The following KHDRBS2 variants were observed in gnomAD, a reference collection of about 807,000 sequenced individuals.
KHDRBS2 encodes the protein KH RNA binding domain containing, signal transduction associated 2, also known as KH domain-containing, RNA-binding, signal transduction-associated protein 2.
Under a neutral mutation model 44.3 loss-of-function variants are expected in KHDRBS2, and 26 were observed. The observed-to-expected ratio is 0.59, with a 90% CI of 0.43 to 0.81. The LOEUF is 0.81. Ranked by LOEUF, KHDRBS2 falls within the 40% of genes least tolerant of loss-of-function variation. The pLI, the probability that KHDRBS2 is intolerant of heterozygous loss-of-function variation, is 0.00. For synonymous variants in KHDRBS2, 194 were observed against 151.1 expected (o/e 1.28, Z -2.08); for missense variants, 476 against 433.1 (o/e 1.10, Z -0.88).
chr6:61,542,788 A>G, the KHDRBS2 span, among the ~76,000 whole-genome samples: 1 of 151,990 alleles, frequency 6.6e-6, no homozygotes, highest in Non-Finnish European at 1.5e-5. Context: ...AGATATATAT[A>G]TTCACCACAA....
intron 4 of KHDRBS2, among the ~76,000 whole-genome samples, chr6:61,916,091 T>A (rs1327202793): frequency 6.6e-6 from 1 of 152,082 alleles, no homozygotes; most frequent in East Asian, 1.9e-4. Context: ...CCGAAACACT[T>A]AATTCTAAAC....
chr6:62,119,798 A>G (rs1334618589), intron 2 of KHDRBS2, among the ~76,000 whole-genome samples: 1 of 152,174 alleles, frequency 6.6e-6, no homozygotes, highest in African/African-American at 2.4e-5. Context: ...CTGAGGCAAC[A>G]GTGATGGCCT....
intron 4 of KHDRBS2, among the ~76,000 whole-genome samples, chr6:61,949,527 C>T (rs770116916): frequency 7.1e-4 from 108 of 152,048 alleles, no homozygotes; most frequent in African/African-American, 7.2e-5. Flanking sequence ...TCTCTGTTTA[C>T]AGGAACAATA....
At chr6:61,931,571 T>C (rs1242125924) in intron 4 of KHDRBS2, among the ~76,000 whole-genome samples, 2 of 152,172 alleles carry the variant, frequency 1.3e-5, no homozygotes, top group Non-Finnish European at 2.9e-5. Context: ...TGCTCATTTA[T>C]TAGTAATAAA....
chr6:61,781,046 A>G (rs1359609531), intron 6 of KHDRBS2, among the ~76,000 whole-genome samples: 1 of 152,232 alleles, frequency 6.6e-6, no homozygotes, highest in African/African-American at 2.4e-5. Flanking sequence ...TGTAAGCCAC[A>G]AGCCAATATT....
chr6:61,735,268 T>TATA (rs67647814), intron 6 of KHDRBS2, among the ~76,000 whole-genome samples: 1 of 149,450 alleles, frequency 6.7e-6, no homozygotes, highest in Non-Finnish European at 1.5e-5. Flanking sequence ...TATATATATA[T>TATA]TTTTTAAGAA....
Position 62,033,277 on chromosome 6 carries a change from G to T in KHDRBS2, c.336+14601C>A, listed in dbSNP as rs374177786. 7.9e-5 allele frequency among the ~76,000 whole-genome samples: 12 copies of T among 152,086 alleles called. No homozygotes were observed. In the East Asian group the frequency reaches 2.3e-3, roughly 30 times the overall value. On this transcript the variant is annotated intron_variant, in intron 3 of 8. Transcript: ENST00000281156. ...GGTCTTAAGAGGAGGTAGAGAAAGC[G>T]ATAAGGGTATAGTTTATTCAAAAGC...
chr6:62,038,115 A>C (rs895658091), intron 3 of KHDRBS2, among the ~76,000 whole-genome samples: 2 of 152,010 alleles, frequency 1.3e-5, no homozygotes, highest in African/African-American at 4.8e-5. Context: ...GCATCCCCGG[A>C]AGTGCATAAA....
chr6:61,664,342 T>C, the KHDRBS2 span, among the ~76,000 whole-genome samples: 2 of 151,760 alleles, frequency 1.3e-5, no homozygotes, highest in Non-Finnish European at 2.9e-5. Flanking sequence ...TATTTATCCA[T>C]TGTTATTCAT....
chr6:61,654,017 A>G, the KHDRBS2 span, among the ~76,000 whole-genome samples: 1 of 152,018 alleles, frequency 6.6e-6, no homozygotes. Context: ...TTAAGATACT[A>G]CGTTGCTTTG....
intron 6 of KHDRBS2, among the ~76,000 whole-genome samples, chr6:61,774,657 T>G (rs1781628201): frequency 6.6e-6 from 1 of 152,010 alleles, no homozygotes; most frequent in South Asian, 2.1e-4. Context: ...ATCAATAGCT[T>G]ACAAACCAAA....
chr6:62,240,672 GTA>G (rs4036655), intron 1 of KHDRBS2, among the ~76,000 whole-genome samples: 13,240 of 63,108 alleles, frequency 0.21, 1,034 homozygotes, highest in Middle Eastern at 0.36. Context: ...ATGTGTGTGT[GTA>G]TATATATATA....
intron 3 of KHDRBS2, among the ~76,000 whole-genome samples, chr6:62,040,724 C>A (rs1384171088): frequency 6.6e-6 from 1 of 152,084 alleles, no homozygotes; most frequent in Non-Finnish European, 1.5e-5. Flanking sequence ...TTTTCAGAAT[C>A]CTTTCAAGGC....
chr6:62,131,858 G>A (rs1403781465), intron 2 of KHDRBS2, among the ~76,000 whole-genome samples: 1 of 152,166 alleles, frequency 6.6e-6, no homozygotes, highest in African/African-American at 2.4e-5. Context: ...CATTTTCAAT[G>A]AATGGTTTAT....
chr6:61,843,021 T>C (rs867376318), intron 6 of KHDRBS2, among the ~76,000 whole-genome samples: 2 of 151,542 alleles, frequency 1.3e-5, no homozygotes, highest in African/African-American at 4.8e-5. Flanking sequence ...AAAGTTCTGA[T>C]ACATGTTAAA....
chr6:62,050,545 A>G (rs1474173392), intron 2 of KHDRBS2, among the ~76,000 whole-genome samples: 2 of 151,950 alleles, frequency 1.3e-5, no homozygotes, highest in Non-Finnish European at 2.9e-5. Context: ...AAAAATGACT[A>G]ATATCTATAA....
the KHDRBS2 span, among the ~76,000 whole-genome samples, chr6:61,615,233 C>CAAAAAAAAAAAAAAAAAAAA: frequency 1.2e-4 from 7 of 58,588 alleles, no homozygotes; most frequent in East Asian, 5.2e-4. Context: ...ACTCCATCTC[C>CAAAAAAAAAAAAAAAAAAAA]AAAAAAAAAA....
chr6:61,873,829 A>G (rs764598315), intron 6 of KHDRBS2, among the ~76,000 whole-genome samples: 23 of 152,022 alleles, frequency 1.5e-4, no homozygotes, highest in Non-Finnish European at 2.9e-4. Flanking sequence ...CAAATTAATC[A>G]TTAAGAGATA....
At chr6:61,547,975 A>G in the KHDRBS2 span, among the ~76,000 whole-genome samples, 15 of 152,164 alleles carry the variant, frequency 9.9e-5, no homozygotes, top group Non-Finnish European at 8.8e-5. Context: ...TTAGTAACAC[A>G]TAAAAGTAAT....
Sources: allele counts gnomAD v4.1 joint callset (sites outside exome capture counted in the v4.1 genomes callset), GRCh38; gene constraint gnomAD v4.1.1; transcripts MANE v1.5; gene names NCBI Gene and HGNC (gene_info 2026-07-23, HGNC 2026-07-21).